Variants in DLGAP2 observed in about 807,000 individuals in gnomAD.
DLGAP2 encodes the protein DLG associated protein 2, also known as disks large-associated protein 2.
A neutral mutation model predicts 100.3 loss-of-function variants in DLGAP2; 26 were observed. The observed-to-expected ratio is 0.26, with a 90% CI of 0.19 to 0.36. DLGAP2 has a LOEUF of 0.36. DLGAP2 is among the 10% of genes least tolerant of loss of function. DLGAP2 has a pLI of 1.00. For missense variants in DLGAP2, 1,858 were observed against 1,453.2 expected, an observed-to-expected ratio of 1.28 and a Z score of -4.53; for synonymous variants, 886 against 630.1, an observed-to-expected ratio of 1.41 and a Z score of -6.08.
At chr8:1,552,868 G>C (rs1417466141) in intron 5 of DLGAP2, among the ~76,000 whole-genome samples, 1 of 152,288 alleles carries the variant, frequency 6.6e-6, no homozygotes, top group African/African-American at 2.4e-5. Context: ...AGAATAAGTG[G>C]AATTGAAAGG....
intron 3 of DLGAP2, among the ~76,000 whole-genome samples, chr8:1,326,596 C>T (rs1230915585): frequency 3.3e-5 from 5 of 151,616 alleles, no homozygotes; most frequent in African/African-American, 7.3e-5. Flanking sequence ...CAGGACACGG[C>T]GCGTGCTCGG....
intron 1 of DLGAP2, among the ~76,000 whole-genome samples, chr8:888,603 CTT>C (rs776447098): frequency 1.5e-5 from 2 of 136,920 alleles, no homozygotes; most frequent in Admixed American, 7.4e-5. Flanking sequence ...TCACTTTCTG[CTT>C]TTTTTTTTTT....
At chr8:1,368,190 G>C (rs947145964) in intron 3 of DLGAP2, among the ~76,000 whole-genome samples, 6 of 151,978 alleles carry the variant, frequency 3.9e-5, no homozygotes, top group Admixed American at 6.6e-5. Flanking sequence ...GTATGTGCAC[G>C]TGTGTGTACG....
chr8:1,025,607 C>G (rs115404301), intron 2 of DLGAP2, among the ~76,000 whole-genome samples: 2 of 152,146 alleles, frequency 1.3e-5, no homozygotes, highest in East Asian at 3.9e-4. Flanking sequence ...TGAGGATGAG[C>G]GATGCCTGGA....
intron 3 of DLGAP2, among the ~76,000 whole-genome samples, chr8:1,271,854 A>G (rs1799590040): frequency 2.0e-5 from 3 of 152,318 alleles, no homozygotes; most frequent in South Asian, 4.1e-4. Context: ...TTGTTCTATC[A>G]CCCAGGCTGG....
chr8:909,695 A>G (rs559484277), intron 2 of DLGAP2, among the ~76,000 whole-genome samples: 1 of 152,336 alleles, frequency 6.6e-6, no homozygotes, highest in East Asian at 1.9e-4. Context: ...GTGGAAGACC[A>G]TAGGCTTTAA....
intron 3 of DLGAP2, among the ~76,000 whole-genome samples, chr8:1,481,153 C>T (rs1214078172): frequency 2.0e-5 from 3 of 151,808 alleles, no homozygotes; most frequent in Non-Finnish European, 4.4e-5. Flanking sequence ...GCCTTGGTGA[C>T]AGAGCGAGAC....
chr8:1,659,743 C>T (rs970537410), intron 8 of DLGAP2, among the ~76,000 whole-genome samples: 1 of 152,268 alleles, frequency 6.6e-6, no homozygotes, highest in Middle Eastern at 3.4e-3. Flanking sequence ...TGTCTTTGCA[C>T]ATGAGATGGG....
intron 5 of DLGAP2, among the ~76,000 whole-genome samples, chr8:1,563,601 A>C (rs1376139342): frequency 6.6e-6 from 1 of 152,050 alleles, no homozygotes; most frequent in Non-Finnish European, 1.5e-5. Context: ...TCCTTGCCAC[A>C]CGGGGTCCAT....
Position 1,675,112 on chromosome 8 carries a change from C to CA in DLGAP2, c.2203-1418dup, listed in dbSNP as rs559877712. ...CATCCCAGTCTAGGGTCAGCTTCTG[C>CA]AAACACGCATCCCAGTCTCGGGACC... is the stretch of plus-strand genomic sequence containing the variant. On this transcript the variant is annotated intron_variant, in intron 10 of 14. Coordinates refer to ENST00000637795, the MANE Select transcript of DLGAP2 (RefSeq NM_001346810.2). Among the ~76,000 whole-genome samples the CA allele has an allele frequency of 7.9e-5, 12 of 152,342 alleles. No individual in the cohort carries two copies. In the South Asian group the frequency reaches 1.7e-3, roughly 21 times the overall value.
At chr8:1,322,467 C>T (rs1049369506) in intron 3 of DLGAP2, among the ~76,000 whole-genome samples, 1 of 152,120 alleles carries the variant, frequency 6.6e-6, no homozygotes, top group East Asian at 1.9e-4. Flanking sequence ...AATGCGTGCA[C>T]CCGCCCAGCA....
chr8:999,645 A>T (rs1800886187), intron 2 of DLGAP2, among the ~76,000 whole-genome samples: 1 of 151,452 alleles, frequency 6.6e-6, no homozygotes, highest in Non-Finnish European at 1.5e-5. Context: ...TGCCTGGCTC[A>T]TTTTTTTGTA....
At chr8:1,292,318 G>T (rs1473739023) in intron 3 of DLGAP2, among the ~76,000 whole-genome samples, 1 of 152,170 alleles carries the variant, frequency 6.6e-6, no homozygotes, top group Admixed American at 6.5e-5. Flanking sequence ...GGTGGACCTA[G>T]CATGTGGTCT....
chr8:1,673,072 T>A (rs962085854), intron 10 of DLGAP2, among the ~76,000 whole-genome samples: 2 of 152,216 alleles, frequency 1.3e-5, no homozygotes, highest in Non-Finnish European at 2.9e-5. Context: ...ACAGTGATTT[T>A]GCTCATTCAT....
chr8:1,089,708 T>C (rs1301749943), intron 2 of DLGAP2, among the ~76,000 whole-genome samples: 1 of 152,378 alleles, frequency 6.6e-6, no homozygotes, highest in East Asian at 1.9e-4. Flanking sequence ...TTATCATTTA[T>C]CATGGCAGTT....
intron 2 of DLGAP2, among the ~76,000 whole-genome samples, chr8:1,200,155 C>G (rs1313986211): frequency 6.6e-6 from 1 of 152,150 alleles, no homozygotes; most frequent in African/African-American, 2.4e-5. Flanking sequence ...ACAGGAGAGG[C>G]TGGGTTTCCC....
At chr8:1,389,309 A>G (rs897664175) in intron 3 of DLGAP2, among the ~76,000 whole-genome samples, 1 of 132,868 alleles carries the variant, frequency 7.5e-6, no homozygotes. Flanking sequence ...GGAGGATGGG[A>G]AGGCGACGTG....
intron 1 of DLGAP2, among the ~76,000 whole-genome samples, chr8:896,508 A>G (rs540921733): frequency 1.3e-5 from 2 of 152,220 alleles, no homozygotes; most frequent in South Asian, 4.1e-4. Context: ...CCATGGACTG[A>G]ACATGTCCCC....
chr8:1,668,872 C>T (rs932580842), intron 9 of DLGAP2, among the ~76,000 whole-genome samples, 194 bp downstream of exon 9: 7 of 152,200 alleles, frequency 4.6e-5, no homozygotes, highest in Admixed American at 1.3e-4. Context: ...GGGAGACCCC[C>T]GAGGTGATGC....
Sources: gnomAD v4.1 joint callset for allele counts (sites outside exome capture counted in the v4.1 genomes callset) on GRCh38, gnomAD v4.1.1 for gene constraint, MANE v1.5 for transcripts, NCBI Gene and HGNC (gene_info 2026-07-23, HGNC 2026-07-21) for gene names.